PCDHA7: variants seen among roughly 807,000 people sequenced by gnomAD.
PCDHA7 encodes the protein protocadherin alpha-7.
PCDHA7 carries 37 observed loss-of-function variants against 57.2 expected under a neutral mutation model. That is an observed-to-expected ratio of 0.65 (90% CI 0.50 to 0.85). The LOEUF is 0.85. Among genes scored for constraint, PCDHA7 ranks in the 40% least tolerant of loss-of-function variants. The pLI is 0.00. For missense variants in PCDHA7, 1,188 were observed against 1,241.8 expected, an observed-to-expected ratio of 0.96 and a Z score of 0.65; for synonymous variants, 553 against 558.8, an observed-to-expected ratio of 0.99 and a Z score of 0.15.
chr5:140,970,157 C>T (rs2096386547), intron 1 of PCDHA7, among the ~76,000 whole-genome samples: 2 of 152,176 alleles, frequency 1.3e-5, no homozygotes, highest in African/African-American at 4.8e-5. Context: ...TCCCAATAGT[C>T]ACCTTTCTTG....
intron 1 of PCDHA7, among the ~76,000 whole-genome samples, chr5:140,972,660 A>ATTTTT (rs11350929): frequency 8.5e-5 from 10 of 117,262 alleles, no homozygotes; most frequent in Non-Finnish European, 1.6e-4. Context: ...AAGAAACCAA[A>ATTTTT]TTTTTTTTTT....
In PCDHA7 at chr5:140,957,188, C is replaced by T. The variant is rs374236292; in HGVS notation, c.2356-21761C>T. On this transcript the variant is annotated intron_variant, in intron 1 of 3. Transcript: ENST00000525929. ...GTATATAAATTGGTTTATTGATGAC[C>T]GATTGGGAATATAAATAGGCACAAA... is the stretch of plus-strand genomic sequence containing the variant. 2.1e-3 allele frequency among the ~76,000 whole-genome samples: 315 copies of T among 151,992 alleles called. 3 individuals carry two copies. The highest frequency in any genetic ancestry group is 7.3e-3 in the African/African-American group (304 of 41,464).
chr5:140,836,849 A>G, intron 1 of PCDHA7, 111 bp downstream of exon 1: 3 of 822,610 alleles, frequency 3.6e-6, no homozygotes, highest in Non-Finnish European at 3.7e-6. Context: ...ATGTATAATT[A>G]TTATTTTTTA....
At chr5:140,960,455 T>A (rs1585839337) in intron 1 of PCDHA7, among the ~76,000 whole-genome samples, 3 of 152,274 alleles carry the variant, frequency 2.0e-5, no homozygotes, top group African/African-American at 7.2e-5. Flanking sequence ...ATGGATAATT[T>A]TGAGAAGTAA....
At chr5:140,857,947 G>C in intron 1 of PCDHA7, 1 of 1,597,414 alleles carries the variant, frequency 6.3e-7, no homozygotes, top group Non-Finnish European at 8.6e-7. Flanking sequence ...TCAGTACGAC[G>C]CGCGCTCTGG....
chr5:140,875,767 A>G, intron 1 of PCDHA7: 1 of 1,614,144 alleles, frequency 6.2e-7, no homozygotes, highest in Non-Finnish European at 8.5e-7. Context: ...GTGCGGGCGG[A>G]GCGCGGAGTG....
chr5:140,986,792 A>C (rs575794573), intron 3 of PCDHA7, among the ~76,000 whole-genome samples: 1 of 152,220 alleles, frequency 6.6e-6, no homozygotes, highest in Non-Finnish European at 1.5e-5. Context: ...CCACTAAGGC[A>C]GTGAGTCTTA....
In PCDHA7 at chr5:140,949,530, A is replaced by G. The variant is rs535959568; in HGVS notation, c.2356-29419A>G. Among the ~76,000 whole-genome samples, 8 of 151,972 alleles carry G rather than the reference A, an allele frequency of 5.3e-5. No homozygotes were observed. The South Asian group carries it at 1.7e-3, about 31-fold the overall frequency. On this transcript the variant is annotated intron_variant, in intron 1 of 3. Coordinates refer to ENST00000525929, the MANE Select transcript of PCDHA7 (RefSeq NM_018910.3). ...GATTTATTGATCCTTTTATCTTCATAAAATATCGATTTGTTGCTGGTCATA... is the reference window on the plus strand; with the variant it reads ...GATTTATTGATCCTTTTATCTTCATGAAATATCGATTTGTTGCTGGTCATA...
At chr5:140,836,867 G>T in intron 1 of PCDHA7, 129 bp downstream of exon 1, 1 of 732,152 alleles carries the variant, frequency 1.4e-6, no homozygotes. Flanking sequence ...TTAATGTTAT[G>T]CTGTATTTGC....
At position 140,853,823 on chromosome 5, in the gene PCDHA7, T is replaced by C. The variant is rs1332082202; in HGVS notation, c.2355+17085T>C. On this transcript the variant is annotated intron_variant, in intron 1 of 3. Transcript: ENST00000525929. ...TAAAGCACACCTGAGATGATTCTCA[T>C]ACAACCGAAATTTTAGATCCATAGC... 6.3e-5 allele frequency: 62 copies of C among 986,786 alleles called. 2 individuals are homozygous for C. The highest frequency in any genetic ancestry group is 7.3e-5 in the Non-Finnish European group (60 of 818,922). The allele number at this position is 986,786 out of a possible 1,614,324, so 61.1% of individuals were successfully genotyped here. A position where few individuals can be genotyped will look rare whatever the true frequency, so the allele number is the denominator to read the frequency against.
rs1554135177 is a variant in PCDHA7, at chr5:140,835,670, C to G, written c.1287C>G (p.Asp429Glu). The G allele has an allele frequency of 1.2e-6, 2 of 1,613,852 alleles. No individual in the cohort carries two copies. The highest frequency in any genetic ancestry group is 2.2e-5 in the East Asian group (1 of 44,834). Residue 429 changes from aspartate (D) to glutamate (E), a missense_variant, in exon 1 of 4, where the codon GAC (aspartate) becomes GAG (glutamate). Transcript: ENST00000525929. ...ATGAGCTGGTGGTTACCGCGCGGGA[C>G]GGGGGCTCGCCTTCTCTGTGGGCCA... Reference protein sequence around the residue: ...SAYELVVTARDGGSPSLWATA... With the variant: ...SAYELVVTAREGGSPSLWATA...
chr5:140,883,852 G>A (rs1554180292), intron 1 of PCDHA7: 1 of 1,612,972 alleles, frequency 6.2e-7, no homozygotes. Flanking sequence ...ACGAGGAGCT[G>A]GAGCTGTTGC....
chr5:140,848,892 T>A (rs2150423742), intron 1 of PCDHA7: 2 of 1,601,494 alleles, frequency 1.2e-6, no homozygotes, highest in East Asian at 2.2e-5. Context: ...CCCTCCAGTG[T>A]TCCCAGCGAC....
At position 140,877,908 on chromosome 5, in the gene PCDHA7, T is replaced by C; in HGVS notation, c.2355+41170T>C. On this transcript the variant is annotated intron_variant, in intron 1 of 3. Coordinates refer to ENST00000525929, the MANE Select transcript of PCDHA7 (RefSeq NM_018910.3). The stretch of plus-strand genomic sequence containing the variant: ...ACTTCCGTTTAGGTTATAACTACAT[T>C]CTCTCATTTTTCTTTATGATTCTAT... 3 of 1,433,546 alleles carry C rather than the reference T, an allele frequency of 2.1e-6. No homozygotes were observed. The South Asian group carries it at 4.7e-5, about 22-fold the overall frequency. 88.8% of individuals were successfully genotyped at this position (1,433,546 alleles called of 1,614,324 possible).
intron 1 of PCDHA7, among the ~76,000 whole-genome samples, chr5:140,941,230 T>C (rs536346214): frequency 7.3e-6 from 1 of 137,584 alleles, no homozygotes; most frequent in African/African-American, 2.9e-5. Context: ...TTTCTTTCTT[T>C]CTTTCTTTCT....
intron 1 of PCDHA7, among the ~76,000 whole-genome samples, chr5:140,937,675 G>A (rs2091663642): frequency 6.6e-6 from 1 of 151,688 alleles, no homozygotes; most frequent in Admixed American, 6.6e-5. Flanking sequence ...CACTTTGGGA[G>A]GCTGAGGCAG....
intron 1 of PCDHA7, among the ~76,000 whole-genome samples, chr5:140,920,909 C>A (rs2079923809): frequency 6.6e-6 from 1 of 151,058 alleles, no homozygotes; most frequent in Admixed American, 6.6e-5. Context: ...GTTCTCAAAT[C>A]AGTTCCAAGA....
At chr5:140,886,827 GAAAAAAA>G (rs782016620) in intron 1 of PCDHA7, among the ~76,000 whole-genome samples, 7 of 60,890 alleles carry the variant, frequency 1.1e-4, no homozygotes, top group African/African-American at 4.2e-4. Context: ...ACTTCGTCTT[GAAAAAAA>G]AAAAAAAAAA....
At chr5:140,946,948 T>C (rs1315606645) in intron 1 of PCDHA7, among the ~76,000 whole-genome samples, 2 of 151,534 alleles carry the variant, frequency 1.3e-5, no homozygotes, top group African/African-American at 4.8e-5. Context: ...TTAAGAATAA[T>C]GTATATTTCA....
Sources: allele counts gnomAD v4.1 joint callset (sites outside exome capture counted in the v4.1 genomes callset), GRCh38; gene constraint gnomAD v4.1.1; transcripts MANE v1.5; gene names NCBI Gene and HGNC (gene_info 2026-07-23, HGNC 2026-07-21).